Variants in ENOX2 observed in about 807,000 individuals in gnomAD.
The protein encoded by ENOX2 is ecto-NOX disulfide-thiol exchanger 2, also known as APK1 antigen.
In ENOX2, 36 loss-of-function variants were observed where a neutral mutation model predicts 45.0. The observed-to-expected ratio is 0.80, with a 90% confidence interval of 0.61 to 1.06. The LOEUF is 1.06. Among genes scored for constraint, ENOX2 ranks in the 50% least tolerant of loss-of-function variants. The pLI, the probability that ENOX2 is intolerant of heterozygous loss-of-function variation, is 0.00. For synonymous variants in ENOX2, 174 were observed against 152.3 expected (o/e 1.14, Z -1.05); for missense variants, 423 against 462.5 (o/e 0.91, Z 0.78).
At chrX:130,720,248 T>A (rs1351741873) in intron 3 of ENOX2, among the ~76,000 whole-genome samples, 1 of 112,280 alleles carries the variant, frequency 8.9e-6, no homozygotes, top group Non-Finnish European at 1.9e-5. Flanking sequence ...CAGTATTACA[T>A]CCTCAAACAT....
intron 2 of ENOX2, among the ~76,000 whole-genome samples, chrX:130,859,766 T>G (rs2078379833): frequency 8.9e-6 from 1 of 111,757 alleles, no homozygotes; most frequent in Non-Finnish European, 1.9e-5. Context: ...AAGACACCAT[T>G]GCAGTTTAGA....
chrX:130,651,896 A>G (rs143109705), intron 10 of ENOX2, among the ~76,000 whole-genome samples: 183 of 111,514 alleles, frequency 1.6e-3, no homozygotes, highest in African/African-American at 5.6e-3. Flanking sequence ...TCTTCTTTCA[A>G]AGATTCCACT....
chrX:130,688,690 G>A (rs1304454370), intron 5 of ENOX2, among the ~76,000 whole-genome samples, 173 bp downstream of exon 5: 5 of 112,057 alleles, frequency 4.5e-5, no homozygotes, highest in Non-Finnish European at 9.4e-5. Context: ...CTACTGTTGT[G>A]TGCATAAAAT....
chrX:130,777,179 G>A (rs2039875022), intron 3 of ENOX2, among the ~76,000 whole-genome samples: 1 of 111,241 alleles, frequency 9.0e-6, no homozygotes, highest in African/African-American at 3.3e-5. Context: ...TCCCTTCTCT[G>A]GGTCTCAGTT....
chrX:130,880,504 C>T (rs1236487860), intron 2 of ENOX2, among the ~76,000 whole-genome samples: 1 of 112,043 alleles, frequency 8.9e-6, no homozygotes, highest in Non-Finnish European at 1.9e-5. Flanking sequence ...TGATCAACTT[C>T]TTCCAAAGTA....
At chrX:130,711,676 G>C (rs957833044) in intron 3 of ENOX2, among the ~76,000 whole-genome samples, 1 of 111,537 alleles carries the variant, frequency 9.0e-6, no homozygotes, top group East Asian at 2.8e-4. Flanking sequence ...AGAATAGCTT[G>C]ATCTTCAAGG....
chrX:130,655,632 T>C (rs908083559), intron 10 of ENOX2, among the ~76,000 whole-genome samples: 1 of 111,957 alleles, frequency 8.9e-6, no homozygotes, highest in African/African-American at 3.2e-5. Flanking sequence ...CTGTTAGATG[T>C]TTTTTTGTTT....
At chrX:130,747,965 A>G (rs1048283202) in intron 3 of ENOX2, among the ~76,000 whole-genome samples, 1 of 112,421 alleles carries the variant, frequency 8.9e-6, no homozygotes, top group Non-Finnish European at 1.9e-5. Context: ...AAAGATTACA[A>G]GCAAATGTAG....
chrX:130,806,441 G>A (rs969721431), intron 2 of ENOX2, among the ~76,000 whole-genome samples: 5 of 112,264 alleles, frequency 4.5e-5, no homozygotes, highest in Non-Finnish European at 1.9e-5. Flanking sequence ...TTGCACAAAA[G>A]AAGGATAATG....
At chrX:130,782,120 A>G (rs2076906569) in intron 3 of ENOX2, among the ~76,000 whole-genome samples, 3 of 111,769 alleles carry the variant, frequency 2.7e-5, no homozygotes, top group African/African-American at 9.7e-5. Context: ...ATACACATAC[A>G]CACATATGGT....
At chrX:130,797,653 G>A (rs1242518774) in intron 2 of ENOX2, among the ~76,000 whole-genome samples, 1 of 111,629 alleles carries the variant, frequency 9.0e-6, no homozygotes, top group African/African-American at 3.3e-5. Flanking sequence ...GGTGAACTAA[G>A]GCTCTTGAAA....
In ENOX2 at chrX:130,689,114, A is replaced by T. The variant is rs185538981; in HGVS notation, c.98-96T>A. The T allele has an allele frequency of 4.1e-3, 2,679 of 647,897 alleles. 6 individuals are homozygous for T. Among genetic ancestry groups the T allele is most frequent in the Non-Finnish European group, 5.4e-3 (2,328 of 430,081 alleles). 53.4% of individuals were successfully genotyped at this position (647,897 alleles called of 1,213,427 possible). On this transcript the variant is annotated intron_variant, in intron 4 of 14. Coordinates refer to ENST00000394363, the MANE Select transcript of ENOX2 (RefSeq NM_006375.4). ...AAGCTTCAAATCAAAGGCCTTTCTAAGACAGAGGCAAAATATTTAACAAGC... is the reference window on the plus strand; with the variant it reads ...AAGCTTCAAATCAAAGGCCTTTCTATGACAGAGGCAAAATATTTAACAAGC...
chrX:130,709,525 G>A (rs1475020987), intron 3 of ENOX2, among the ~76,000 whole-genome samples: 1 of 107,535 alleles, frequency 9.3e-6, no homozygotes, highest in African/African-American at 3.4e-5. Flanking sequence ...TGTAGTCCCA[G>A]CTACTTGGGA....
At chrX:130,846,337 AT>A (rs772373264) in intron 2 of ENOX2, among the ~76,000 whole-genome samples, 493 of 99,679 alleles carry the variant, frequency 4.9e-3, no homozygotes, top group African/African-American at 0.012. Flanking sequence ...CCATGTGGCA[AT>A]TTTTTTTTTT....
chrX:130,643,786 C>G (rs1178587086), intron 10 of ENOX2, among the ~76,000 whole-genome samples: 1 of 111,959 alleles, frequency 8.9e-6, no homozygotes, highest in African/African-American at 3.2e-5. Context: ...ATCCAGCAAA[C>G]AGAAATCAGT....
intron 2 of ENOX2, among the ~76,000 whole-genome samples, chrX:130,893,639 GA>G (rs1652730273): frequency 8.9e-6 from 1 of 112,500 alleles, no homozygotes; most frequent in Admixed American, 9.4e-5. Flanking sequence ...GTCAGGGAAA[GA>G]ACATGATCTA....
intron 2 of ENOX2, among the ~76,000 whole-genome samples, chrX:130,791,544 G>A (rs1049474144): frequency 9.0e-6 from 1 of 111,590 alleles, no homozygotes; most frequent in South Asian, 3.8e-4. Context: ...GGTCAGCTGC[G>A]GCTCTCAGTG....
At chrX:130,656,798 T>A in intron 9 of ENOX2, 103 bp from the exon 10 acceptor site, 2 of 505,343 alleles carry the variant, frequency 4.0e-6, no homozygotes, top group Non-Finnish European at 6.7e-6. Context: ...TTTGACATAT[T>A]AGGAAAAAAA....
At chrX:130,833,704 G>T (rs774452310) in intron 2 of ENOX2, among the ~76,000 whole-genome samples, 1 of 111,310 alleles carries the variant, frequency 9.0e-6, no homozygotes, top group East Asian at 2.8e-4. Flanking sequence ...AAGATGAATG[G>T]AACACTTTCT....
Sources: allele counts gnomAD v4.1 joint callset (sites outside exome capture counted in the v4.1 genomes callset), GRCh38; gene constraint gnomAD v4.1.1; transcripts MANE v1.5; gene names NCBI Gene and HGNC (gene_info 2026-07-23, HGNC 2026-07-21).